ZNF740: variants seen among roughly 807,000 people sequenced by gnomAD.
ZNF740 encodes zinc finger protein 740, also known as oriLyt TD-element-binding protein 7.
In ZNF740, 14 loss-of-function variants were observed where a neutral mutation model predicts 24.8. The ratio of observed to expected loss-of-function variants is 0.56; its 90% CI spans 0.37 to 0.88. ZNF740 has a LOEUF of 0.88. Ranked by LOEUF, ZNF740 falls within the 40% of genes least tolerant of loss-of-function variation. The probability of loss-of-function intolerance (pLI) is 0.00; values close to 1 mark genes in which losing one functional copy is unlikely to be tolerated. For synonymous variants in ZNF740, 69 were observed against 84.0 expected, an observed-to-expected ratio of 0.82 and a Z score of 0.98; for missense variants, 201 against 247.9, an observed-to-expected ratio of 0.81 and a Z score of 1.27.
chr12:53,186,650 T>C, intron 6 of ZNF740, 141 bp downstream of exon 6: 1 of 605,972 alleles, frequency 1.7e-6, no homozygotes, highest in South Asian at 2.1e-5. Flanking sequence ...AGTGCATCTG[T>C]CTGGCCTTAT....
Position 53,193,574 on chromosome 12 carries a change from A to C in ZNF740, c.*5984A>C. 1.2e-6 allele frequency: 1 copy of C among 854,342 alleles called. No homozygotes were observed. Among genetic ancestry groups the C allele is most frequent in the Non-Finnish European group, 1.8e-6 (1 of 556,556 alleles). 52.9% of individuals were successfully genotyped at this position (854,342 alleles called of 1,614,324 possible). A position where few individuals can be genotyped will look rare whatever the true frequency, so the allele number is the denominator to read the frequency against. On this transcript the variant is annotated 3_prime_UTR_variant, in exon 7 of 7. Coordinates refer to ENST00000416904, the MANE Select transcript of ZNF740 (RefSeq NM_001004304.4). ...GCCTGGACATACATGGGAAGCTTCA[A>C]GGGATGAAACTGAGTGGGGAGTCGG...
In ZNF740 at chr12:53,194,237, C is replaced by T. The variant is rs760208392; in HGVS notation, c.*6647C>T. 3.1e-6 allele frequency: 5 copies of T among 1,614,136 alleles called. No individual in the cohort carries two copies. The highest frequency in any genetic ancestry group is 4.2e-6 in the Non-Finnish European group (5 of 1,180,018). The stretch of plus-strand genomic sequence containing the variant: ...GGACGTGGTTGCACTGTCCTCGATC[C>T]TCAGCCTTACCCTCCCTCTTCTCAG... On this transcript the variant is annotated 3_prime_UTR_variant, in exon 7 of 7. Transcript: ENST00000416904.
At position 53,190,597 on chromosome 12, in the gene ZNF740, C is replaced by G. The variant is rs1177884441; in HGVS notation, c.*3007C>G. 2 of 152,592 alleles carry G rather than the reference C, an allele frequency of 1.3e-5. No homozygotes were observed. The highest frequency in any genetic ancestry group is 2.9e-5 in the Non-Finnish European group (2 of 68,028). 9.5% of individuals were successfully genotyped at this position (152,592 alleles called of 1,614,324 possible). On this transcript the variant is annotated 3_prime_UTR_variant, in exon 7 of 7. Coordinates refer to ENST00000416904, the MANE Select transcript of ZNF740 (RefSeq NM_001004304.4). ...AGTCCGCCACAGCTTCGAACCCTCTCCCCAGATGCCCTTTGCCTCTGCTGT... is the reference window on the plus strand; with the variant it reads ...AGTCCGCCACAGCTTCGAACCCTCTGCCCAGATGCCCTTTGCCTCTGCTGT...
chr12:53,194,407 T>G lies in ZNF740; in HGVS notation c.*6817T>G. On this transcript the variant is annotated 3_prime_UTR_variant, in exon 7 of 7. Transcript: ENST00000416904. ...AGAAAAGGACTCCAACCCCACCTTA[T>G]GTCCTCTCCAGGTGTTCCCAATTCT... The G allele has an allele frequency of 6.5e-7, 1 of 1,540,292 alleles. No homozygotes were observed. The highest frequency in any genetic ancestry group is 1.2e-5 in the South Asian group (1 of 86,558).
intron 5 of ZNF740, 124 bp downstream of exon 5, chr12:53,186,201 T>C: frequency 7.5e-7 from 1 of 1,338,318 alleles, no homozygotes; most frequent in Non-Finnish European, 1.0e-6. Flanking sequence ...AGAAGATAAG[T>C]CAATGAAGCA....
At chr12:53,185,507 A>AT in intron 4 of ZNF740, 31 bp downstream of exon 4, 1 of 1,580,142 alleles carries the variant, frequency 6.3e-7, no homozygotes, top group Non-Finnish European at 8.7e-7. Flanking sequence ...CCAAACTCAT[A>AT]CAGTTTGGTA....
intron 6 of ZNF740, 109 bp downstream of exon 6, chr12:53,186,618 A>T: frequency 1.2e-6 from 1 of 805,266 alleles, no homozygotes; most frequent in Non-Finnish European, 2.0e-6. Context: ...TACTCGCCAT[A>T]ATAGTTAACA....
intron 6 of ZNF740, among the ~76,000 whole-genome samples, chr12:53,186,964 CTG>C (rs1941835678): frequency 6.6e-6 from 1 of 152,170 alleles, no homozygotes; most frequent in African/African-American, 2.4e-5. Flanking sequence ...GGGTCAGTAT[CTG>C]ATCTGATGAG....
Position 53,194,123 on chromosome 12 carries a change from A to G in ZNF740, c.*6533A>G, listed in dbSNP as rs555242867. 518 of 1,596,320 alleles carry G rather than the reference A, an allele frequency of 3.2e-4. No homozygotes were observed. Among genetic ancestry groups the G allele is most frequent in the Non-Finnish European group, 4.3e-4 (503 of 1,167,238 alleles). ...ATGTCACTCCCTGTACCTGCCACCC[A>G]TCTTTTCCTGCCTGCTTAATTTCCC... On this transcript the variant is annotated 3_prime_UTR_variant, in exon 7 of 7. Coordinates refer to ENST00000416904, the MANE Select transcript of ZNF740 (RefSeq NM_001004304.4).
rs773859000 is a variant in ZNF740 at position 53,194,330 on chromosome 12, G to C, written c.*6740G>C. On this transcript the variant is annotated 3_prime_UTR_variant, in exon 7 of 7. Transcript: ENST00000416904. ...GGAGTGAAGAGTGTTCAAGGGTCAC[G>C]GTGGAAGACAGGCTCTATGGGAAGA... 8.1e-6 allele frequency: 13 copies of C among 1,613,856 alleles called. No homozygotes were observed. The Admixed American group carries it at 2.0e-4, about 25-fold the overall frequency.
intron 2 of ZNF740, among the ~76,000 whole-genome samples, chr12:53,182,721 G>A (rs181402628): frequency 3.9e-5 from 6 of 152,302 alleles, no homozygotes; most frequent in African/African-American, 1.4e-4. Flanking sequence ...TTGTTTGATA[G>A]TTACGGAGTA....
At position 53,181,896 on chromosome 12, in the gene ZNF740, G is replaced by T; in HGVS notation, c.-88G>T. 1 of 1,536,852 alleles carries T rather than the reference G, an allele frequency of 6.5e-7. No individual in the cohort carries two copies. The highest frequency in any genetic ancestry group is 2.4e-5 in the East Asian group (1 of 42,336). ...ACGAAGGAGTCGCTACCGTGATTTG[G>T]TGACAGTTCTTCAAAACGACAGTGT... is the stretch of plus-strand genomic sequence containing the variant. On this transcript the variant is annotated 5_prime_UTR_variant, in exon 2 of 7. Transcript: ENST00000416904.
chr12:53,192,540 T>C lies in ZNF740; in HGVS notation c.*4950T>C. On this transcript the variant is annotated 3_prime_UTR_variant, in exon 7 of 7. Transcript: ENST00000416904. ...AAGGCCCCACACTCTGCACAGTCCC[T>C]GTGTAGTAGATGCCAATAGGTTACC... 6.2e-7 allele frequency: 1 copy of C among 1,613,756 alleles called. No homozygotes were observed. The highest frequency in any genetic ancestry group is 8.5e-7 in the Non-Finnish European group (1 of 1,179,816).
Position 53,192,731 on chromosome 12 carries a change from C to T in ZNF740, c.*5141C>T, listed in dbSNP as rs558739649. 31 of 1,614,190 alleles carry T rather than the reference C, an allele frequency of 1.9e-5. No individual in the cohort carries two copies. The highest frequency in any genetic ancestry group is 2.4e-5 in the Non-Finnish European group (28 of 1,180,042). On this transcript the variant is annotated 3_prime_UTR_variant, in exon 7 of 7. Coordinates refer to ENST00000416904, the MANE Select transcript of ZNF740 (RefSeq NM_001004304.4). ...GGTGTCTTGCAGCCTGGGCATTGGT[C>T]GCATAGAGCACCATAGTAGCCGTCC...
rs1024052141 is a variant in ZNF740 at position 53,187,678 on chromosome 12, A to C, written c.*88A>C. Reference sequence around the variant, plus strand: ...GGTCTGATGGTCCCACCACCGCCCCATGTGAACCTGTCCCACTCCTGGAGG... The same window carrying C: ...GGTCTGATGGTCCCACCACCGCCCCCTGTGAACCTGTCCCACTCCTGGAGG... On this transcript the variant is annotated 3_prime_UTR_variant, in exon 7 of 7. Transcript: ENST00000416904. 9.4e-7 allele frequency: 1 copy of C among 1,065,834 alleles called. No individual in the cohort carries two copies. Among genetic ancestry groups the C allele is most frequent in the Non-Finnish European group, 1.4e-6 (1 of 701,456 alleles). 66.0% of individuals were successfully genotyped at this position (1,065,834 alleles called of 1,614,324 possible).
Position 53,191,211 on chromosome 12 carries a change from C to T in ZNF740, c.*3621C>T, listed in dbSNP as rs1010222131. 3 of 313,544 alleles carry T rather than the reference C, an allele frequency of 9.6e-6. No homozygotes were observed. The highest frequency in any genetic ancestry group is 4.3e-5 in the African/African-American group (2 of 46,896). The allele number at this position is 313,544 out of a possible 1,614,324, so 19.4% of individuals were successfully genotyped here. On this transcript the variant is annotated 3_prime_UTR_variant, in exon 7 of 7. Coordinates refer to ENST00000416904, the MANE Select transcript of ZNF740 (RefSeq NM_001004304.4). ...TTTCCTGCACATTCGCGCTTGGGCA[C>T]CTCTCCCTGCCCTCAGGTGGCAAGA...
Position 53,186,451 on chromosome 12 carries a change from A to C in ZNF740, c.434A>C (p.Glu145Ala). 6.3e-7 allele frequency: 1 copy of C among 1,593,476 alleles called. No homozygotes were observed. The highest frequency in any genetic ancestry group is 8.6e-7 in the Non-Finnish European group (1 of 1,169,486). Residue 145 changes from glutamate (E) to alanine (A), a missense_variant, in exon 6 of 7, where the codon GAA becomes GCA. This residue lies in a region of ZNF740 where 60 missense variants were observed against 107.8 expected (regional missense o/e 0.56). Transcript: ENST00000416904. ...DMRFIQKYHLERHKRVHSGEK... is the reference protein window; with the variant it reads ...DMRFIQKYHLARHKRVHSGEK... Reference sequence around the variant, plus strand: ...CGTTTCATCCAGAAGTACCACCTGGAACGCCACAAGCGTGTGCACAGTGGT... The same window carrying C: ...CGTTTCATCCAGAAGTACCACCTGGCACGCCACAAGCGTGTGCACAGTGGT...
At position 53,185,447 on chromosome 12, in the gene ZNF740, G is replaced by C; in HGVS notation, c.220G>C (p.Ala74Pro). 7 of 1,613,962 alleles carry C rather than the reference G, an allele frequency of 4.3e-6. No individual in the cohort carries two copies. In the East Asian group the frequency reaches 1.1e-4, roughly 26 times the overall value. ...SRKDDDSLSE[A>P]SHSKKTVKKV... ...CAAAGATGATGACAGCTTGTCTGAG[G>C]CCTCTCATTCAAAAAAGACTGTTAA... is the stretch of plus-strand genomic sequence containing the variant. The change falls in exon 4 of 7, where the codon GCC becomes CCC. Residue 74 changes from alanine (A) to proline (P), a missense_variant. This residue lies in a region of ZNF740 where 117 missense variants were observed against 122.3 expected (regional missense o/e 0.96). Coordinates refer to ENST00000416904, the MANE Select transcript of ZNF740 (RefSeq NM_001004304.4).
In ZNF740 at chr12:53,193,925, C is replaced by A; in HGVS notation, c.*6335C>A. 6.3e-7 allele frequency: 1 copy of A among 1,595,200 alleles called. No homozygotes were observed. Among genetic ancestry groups the A allele is most frequent in the Non-Finnish European group, 8.6e-7 (1 of 1,168,364 alleles). ...ACCTGAGAAGAGGCAGGAATCAGGC[C>A]ATGGTTATACACATGCACACACACA... On this transcript the variant is annotated 3_prime_UTR_variant, in exon 7 of 7. Coordinates refer to ENST00000416904, the MANE Select transcript of ZNF740 (RefSeq NM_001004304.4).
Sources: gnomAD v4.1 joint callset for allele counts (sites outside exome capture counted in the v4.1 genomes callset) on GRCh38, gnomAD v4.1.1 for gene constraint, gnomAD v4.1.1 regional missense constraint, MANE v1.5 for transcripts, NCBI Gene and HGNC (gene_info 2026-07-23, HGNC 2026-07-21) for gene names.